EVI2B: variants seen among roughly 807,000 people sequenced by gnomAD.
EVI2B encodes the protein protein EVI2B.
Under a neutral mutation model 6.6 loss-of-function variants are expected in EVI2B, and 4 were observed. That is an observed-to-expected ratio of 0.61 (90% CI 0.30 to 1.39). The LOEUF (loss-of-function observed/expected upper bound fraction) is 1.39. EVI2B is among the 40% of genes most tolerant of loss of function. EVI2B has a pLI of 0.08. For missense variants in EVI2B, 484 were observed against 516.6 expected, an observed-to-expected ratio of 0.94 and a Z score of 0.61; for synonymous variants, 181 against 186.8, an observed-to-expected ratio of 0.97 and a Z score of 0.25.
At chr17:31,313,954 C>T in intron 1 of EVI2B, 25 bp downstream of exon 1, 1 of 397,750 alleles carries the variant, frequency 2.5e-6, no homozygotes, top group Non-Finnish European at 4.4e-6. Flanking sequence ...CAAGATCAAA[C>T]CAAATTGTGT....
chr17:31,305,307 T>G lies in EVI2B; in HGVS notation c.303A>C (p.Pro101=), dbSNP rs1567885016. 2 of 1,614,152 alleles carry G rather than the reference T, an allele frequency of 1.2e-6. No individual in the cohort carries two copies. Among genetic ancestry groups the G allele is most frequent in the South Asian group, 1.1e-5 (1 of 91,086 alleles). The change falls in exon 2 of 2, where the codon CCA becomes CCC. Residue 101 remains proline (P), a synonymous_variant. Coordinates refer to ENST00000330927, the MANE Select transcript of EVI2B (RefSeq NM_006495.4). ...TTGGTTGTTTGGTGTTGTAGGCAAG[T>G]GGTTGTCCAGCAGAAGTATGTGCTT... ...KPEAHTSAGQ[P]LAYNTKQPTP...
intron 1 of EVI2B, chr17:31,307,983 T>C (rs758066732): frequency 4.2e-5 from 50 of 1,202,030 alleles, no homozygotes; most frequent in Non-Finnish European, 4.9e-5. Context: ...AGAAAAGATA[T>C]GTGATTTTTT....
intron 1 of EVI2B, among the ~76,000 whole-genome samples, chr17:31,309,213 T>C (rs1470434705): frequency 6.6e-6 from 1 of 152,228 alleles, no homozygotes; most frequent in Non-Finnish European, 1.5e-5. Flanking sequence ...CTCATGTTTT[T>C]ATATTTTGAT....
intron 1 of EVI2B, among the ~76,000 whole-genome samples, chr17:31,312,267 T>C (rs1264040000): frequency 2.6e-5 from 4 of 152,106 alleles, no homozygotes; most frequent in African/African-American, 9.7e-5. Flanking sequence ...CCCAGCACTT[T>C]GGGAGGCCGA....
intron 1 of EVI2B, among the ~76,000 whole-genome samples, chr17:31,313,372 G>A (rs1172810456): frequency 6.6e-6 from 1 of 152,096 alleles, no homozygotes; most frequent in African/African-American, 2.4e-5. Context: ...TATCTGCCAT[G>A]GCTATAGTTT....
chr17:31,309,477 G>C (rs1213197323), intron 1 of EVI2B, among the ~76,000 whole-genome samples: 1 of 152,166 alleles, frequency 6.6e-6, no homozygotes, highest in African/African-American at 2.4e-5. Context: ...CATCCATGCA[G>C]TTCCTACCCA....
In EVI2B at chr17:31,304,776, G is replaced by T; in HGVS notation, c.834C>A (p.Ser278Arg). The change falls in exon 2 of 2, where the codon AGC (serine) becomes AGA (arginine). Residue 278 changes from serine (S) to arginine (R), a missense_variant. Transcript: ENST00000330927. Reference sequence around the variant, plus strand: ...AGTCATCTGCTAAAAGTGTGCTTTTGCTTGGTTTCCAGGGTGTAAGTGAAA... The same window carrying T: ...AGTCATCTGCTAAAAGTGTGCTTTTTCTTGGTTTCCAGGGTGTAAGTGAAA... ...SIISLTPWKP[S>R]KSTLLADDLE... 1 of 1,614,000 alleles carries T rather than the reference G, an allele frequency of 6.2e-7. No individual in the cohort carries two copies. The highest frequency in any genetic ancestry group is 8.5e-7 in the Non-Finnish European group (1 of 1,180,014).
intron 1 of EVI2B, among the ~76,000 whole-genome samples, chr17:31,312,097 A>T (rs1261053304): frequency 6.6e-6 from 1 of 152,104 alleles, no homozygotes; most frequent in Non-Finnish European, 1.5e-5. Context: ...CATCAGATTT[A>T]TGTTTCTCAA....
chr17:31,304,031 G>A lies in EVI2B; in HGVS notation c.*232C>T. 2 of 371,770 alleles carry A rather than the reference G, an allele frequency of 5.4e-6. No individual in the cohort carries two copies. The highest frequency in any genetic ancestry group is 9.6e-6 in the Non-Finnish European group (2 of 207,988). The allele number at this position is 371,770 out of a possible 1,614,324, so 23.0% of individuals were successfully genotyped here. Reference sequence around the variant, plus strand: ...TTATTGAAACATACCATTTACATATGTAAAATGTACTATACTTTAAAGATA... The same window carrying A: ...TTATTGAAACATACCATTTACATATATAAAATGTACTATACTTTAAAGATA... On this transcript the variant is annotated 3_prime_UTR_variant, in exon 2 of 2. Transcript: ENST00000330927.
chr17:31,308,021 TTTTAAAACA>T, intron 1 of EVI2B: 1 of 823,906 alleles, frequency 1.2e-6, no homozygotes, highest in South Asian at 1.4e-5. Context: ...CAAGCCTGAA[TTTTAAAACA>T]GTTCTCCTTT....
chr17:31,304,555 C>G lies in EVI2B; in HGVS notation c.1055G>C (p.Ser352Thr). The G allele has an allele frequency of 6.2e-7, 1 of 1,614,178 alleles. No homozygotes were observed. The highest frequency in any genetic ancestry group is 8.5e-7 in the Non-Finnish European group (1 of 1,180,030). ...PPLLDLEGQE[S>T]NQSDKPTMTI... ...CATTGTGGGTTTGTCAGATTGGTTACTTTCCTGTCCTTCCAAATCCAGAAG... is the reference window on the plus strand; with the variant it reads ...CATTGTGGGTTTGTCAGATTGGTTAGTTTCCTGTCCTTCCAAATCCAGAAG... Residue 352 changes from serine to threonine, a missense_variant, in exon 2 of 2, where the codon AGT (serine) becomes ACT (threonine). Coordinates refer to ENST00000330927, the MANE Select transcript of EVI2B (RefSeq NM_006495.4).
rs1457842894 is a variant in EVI2B at position 31,305,015 on chromosome 17, TG to T, written c.594del (p.Asn198LysfsTer6). 11 of 1,614,170 alleles carry T rather than the reference TG, an allele frequency of 6.8e-6. No individual in the cohort carries two copies. The East Asian group carries it at 8.9e-5, about 13-fold the overall frequency. The part of the protein sequence containing the change: ...TTSNKQTPQK[N>X]NYNSIAAILI... ...AGTATGGCAGCTATTGAATTATAAT[TG>T]TTTTTTTGTGGGGTTTGTTTGTTAC... On this transcript the variant is annotated frameshift_variant, in exon 2 of 2. Coordinates refer to ENST00000330927, the MANE Select transcript of EVI2B (RefSeq NM_006495.4). LOFTEE classifies it high-confidence loss of function.
chr17:31,310,468 C>T (rs762854751), intron 1 of EVI2B, among the ~76,000 whole-genome samples: 11 of 152,022 alleles, frequency 7.2e-5, no homozygotes, highest in East Asian at 5.8e-4. Context: ...AAAGAAGCAA[C>T]GGCAAAATGC....
At chr17:31,308,807 T>A (rs1162683882) in intron 1 of EVI2B, among the ~76,000 whole-genome samples, 1 of 152,168 alleles carries the variant, frequency 6.6e-6, no homozygotes, top group Non-Finnish European at 1.5e-5. Flanking sequence ...CTAGCTCTCA[T>A]TTATTGTTTT....
intron 1 of EVI2B, among the ~76,000 whole-genome samples, chr17:31,312,807 C>G (rs907342136): frequency 3.3e-5 from 5 of 152,004 alleles, no homozygotes; most frequent in South Asian, 2.1e-4. Context: ...GGGATATCAC[C>G]CACTATGAAC....
chr17:31,306,167 A>T (rs1183261918), intron 1 of EVI2B, among the ~76,000 whole-genome samples: 2 of 151,960 alleles, frequency 1.3e-5, no homozygotes, highest in African/African-American at 4.8e-5. Context: ...GCTTTTTGTA[A>T]TCAGTCTTCC....
intron 1 of EVI2B, 84 bp from the exon 2 acceptor site, chr17:31,305,714 T>A: frequency 8.7e-7 from 1 of 1,153,276 alleles, no homozygotes; most frequent in Non-Finnish European, 1.2e-6. Context: ...TTATGATTCC[T>A]GGCATAAAGT....
At chr17:31,313,579 G>A (rs1052031508) in intron 1 of EVI2B, among the ~76,000 whole-genome samples, 3 of 151,724 alleles carry the variant, frequency 2.0e-5, no homozygotes, top group African/African-American at 7.3e-5. Flanking sequence ...GGTGGTGGGC[G>A]CCTGTAATCC....
At chr17:31,307,358 C>T (rs2068752561) in intron 1 of EVI2B, among the ~76,000 whole-genome samples, 1 of 152,130 alleles carries the variant, frequency 6.6e-6, no homozygotes, top group African/African-American at 2.4e-5. Context: ...TAAAAGTATG[C>T]AGGAGATGTA....
Sources: allele counts gnomAD v4.1 joint callset (sites outside exome capture counted in the v4.1 genomes callset), GRCh38; gene constraint gnomAD v4.1.1; transcripts MANE v1.5; gene names NCBI Gene and HGNC (gene_info 2026-07-23, HGNC 2026-07-21).